FSTL4: variants seen among roughly 807,000 people sequenced by gnomAD.
FSTL4 encodes follistatin-related protein 4.
FSTL4 carries 28 observed loss-of-function variants against 78.2 expected under a neutral mutation model. The ratio of observed to expected loss-of-function variants is 0.36; its 90% CI spans 0.27 to 0.49. The LOEUF is 0.49. Among genes scored for constraint, FSTL4 ranks in the 20% least tolerant of loss-of-function variants. The pLI, the probability that FSTL4 is intolerant of heterozygous loss-of-function variation, is 0.98. For synonymous variants in FSTL4, 422 were observed against 440.5 expected (o/e 0.96, Z 0.53); for missense variants, 922 against 1,084.9 (o/e 0.85, Z 2.11).
At chr5:133,345,031 C>A (rs1444953594) in intron 4 of FSTL4, among the ~76,000 whole-genome samples, 1 of 147,280 alleles carries the variant, frequency 6.8e-6, no homozygotes, top group Non-Finnish European at 1.5e-5. Flanking sequence ...TGCAGTGGAA[C>A]GATCTCCACT....
At chr5:133,409,930 G>C (rs1756445740) in intron 3 of FSTL4, among the ~76,000 whole-genome samples, 1 of 152,236 alleles carries the variant, frequency 6.6e-6, no homozygotes, top group Admixed American at 6.5e-5. Flanking sequence ...GTGGGTACGT[G>C]AGAGGGCTGT....
the FSTL4 span, among the ~76,000 whole-genome samples, chr5:133,677,552 T>C: frequency 5.9e-5 from 9 of 152,166 alleles, no homozygotes; most frequent in African/African-American, 1.9e-4. Flanking sequence ...ATAGTAAAAA[T>C]GTATCCTGCA....
the FSTL4 span, among the ~76,000 whole-genome samples, chr5:133,665,851 C>T: frequency 6.6e-6 from 1 of 152,206 alleles, no homozygotes; most frequent in Admixed American, 6.5e-5. Context: ...AGAGCCCAGG[C>T]CTGTCTCTAC....
chr5:133,812,011 CT>C, the FSTL4 span, among the ~76,000 whole-genome samples: 1 of 152,210 alleles, frequency 6.6e-6, no homozygotes, highest in Non-Finnish European at 1.5e-5. Flanking sequence ...ACCCAGGCCT[CT>C]TCATCTCAGT....
At chr5:133,536,640 T>C (rs1168080348) in intron 3 of FSTL4, among the ~76,000 whole-genome samples, 2 of 152,172 alleles carry the variant, frequency 1.3e-5, no homozygotes, top group Non-Finnish European at 2.9e-5. Context: ...TGATTATCCA[T>C]GTATAATTTA....
chr5:133,672,331 AGCACAGC>A, the FSTL4 span, among the ~76,000 whole-genome samples: 1 of 152,348 alleles, frequency 6.6e-6, no homozygotes, highest in East Asian at 1.9e-4. Context: ...TGTGACTTGG[AGCACAGC>A]CCCCAGCCAC....
At chr5:133,453,715 GA>G (rs1047165848) in intron 3 of FSTL4, among the ~76,000 whole-genome samples, 1 of 152,234 alleles carries the variant, frequency 6.6e-6, no homozygotes, top group Non-Finnish European at 1.5e-5. Flanking sequence ...TGATCCCCAT[GA>G]AGGGCCACCA....
At chr5:133,496,063 A>G (rs2112872777) in intron 3 of FSTL4, among the ~76,000 whole-genome samples, 1 of 152,246 alleles carries the variant, frequency 6.6e-6, no homozygotes, top group Non-Finnish European at 1.5e-5. Context: ...CTGGGAGCAG[A>G]AGGACCAATG....
chr5:133,784,953 G>A, the FSTL4 span, among the ~76,000 whole-genome samples: 5 of 152,128 alleles, frequency 3.3e-5, no homozygotes, highest in Admixed American at 6.5e-5. Flanking sequence ...CTGAGTTATG[G>A]GATTAAATGG....
At chr5:133,620,845 G>A in the FSTL4 span, among the ~76,000 whole-genome samples, 8 of 152,166 alleles carry the variant, frequency 5.3e-5, no homozygotes, top group Non-Finnish European at 7.3e-5. Flanking sequence ...ATGTAAACTC[G>A]TAGAGCCACT....
At chr5:133,809,615 A>G in the FSTL4 span, among the ~76,000 whole-genome samples, 1 of 152,136 alleles carries the variant, frequency 6.6e-6, no homozygotes, top group African/African-American at 2.4e-5. Flanking sequence ...AATGGAAAAA[A>G]AAAAAAGAAA....
chr5:133,496,888 T>A (rs190388506), intron 3 of FSTL4, among the ~76,000 whole-genome samples: 9 of 152,244 alleles, frequency 5.9e-5, no homozygotes, highest in Admixed American at 3.9e-4. Context: ...GTACGTCCAG[T>A]TGGACTGCCC....
the FSTL4 span, among the ~76,000 whole-genome samples, chr5:133,719,371 T>C: frequency 7.2e-5 from 11 of 152,020 alleles, no homozygotes; most frequent in Non-Finnish European, 1.0e-4. Context: ...AATAATACAT[T>C]ATAAAAGTCC....
intron 1 of FSTL4, among the ~76,000 whole-genome samples, chr5:133,608,414 A>C (rs1281902911): frequency 6.6e-6 from 1 of 152,242 alleles, no homozygotes; most frequent in Admixed American, 6.5e-5. Context: ...ACCTGGTGCT[A>C]ACCTGGCTGC....
the FSTL4 span, among the ~76,000 whole-genome samples, chr5:133,622,477 C>T: frequency 6.6e-6 from 1 of 152,064 alleles, no homozygotes; most frequent in Non-Finnish European, 1.5e-5. Flanking sequence ...AAAAATGTTA[C>T]ACGAAAAAGC....
intron 3 of FSTL4, among the ~76,000 whole-genome samples, chr5:133,477,406 T>C (rs1164332822): frequency 6.6e-6 from 1 of 152,236 alleles, no homozygotes; most frequent in African/African-American, 2.4e-5. Flanking sequence ...TACCATTATG[T>C]TGGGCATTTA....
the FSTL4 span, among the ~76,000 whole-genome samples, chr5:133,784,558 G>A: frequency 2.0e-5 from 3 of 152,260 alleles, no homozygotes; most frequent in East Asian, 5.8e-4. Flanking sequence ...CTTCTCCAAG[G>A]CCACACACAA....
chr5:133,815,043 T>C, the FSTL4 span, among the ~76,000 whole-genome samples: 1 of 152,052 alleles, frequency 6.6e-6, no homozygotes, highest in African/African-American at 2.4e-5. Flanking sequence ...GTGCAAGAGG[T>C]CTGGGTATCA....
chr5:133,810,879 T>C, the FSTL4 span, among the ~76,000 whole-genome samples: 2 of 152,208 alleles, frequency 1.3e-5, no homozygotes, highest in Non-Finnish European at 2.9e-5. Context: ...TCTTCTCTTA[T>C]TGGCACAACT....
Sources: gnomAD v4.1 joint callset for allele counts (sites outside exome capture counted in the v4.1 genomes callset) on GRCh38, gnomAD v4.1.1 for gene constraint, MANE v1.5 for transcripts, NCBI Gene and HGNC (gene_info 2026-07-23, HGNC 2026-07-21) for gene names.